The following XDH variants were observed in gnomAD, a reference collection of about 807,000 sequenced individuals.
XDH encodes the protein xanthine dehydrogenase/oxidase.
XDH carries 138 observed loss-of-function variants against 156.1 expected under a neutral mutation model. The ratio of observed to expected loss-of-function variants is 0.88; its 90% CI spans 0.77 to 1.02. XDH has a LOEUF of 1.02. Among genes scored for constraint, XDH ranks in the 50% least tolerant of loss-of-function variants. The probability of loss-of-function intolerance (pLI) is 0.00; values close to 1 mark genes in which losing one functional copy is unlikely to be tolerated. For missense variants in XDH, 1,849 were observed against 1,684.9 expected, an observed-to-expected ratio of 1.10 and a Z score of -1.71; for synonymous variants, 669 against 625.7, an observed-to-expected ratio of 1.07 and a Z score of -1.03.
At chr2:31,344,501 C>T (rs943620365) in intron 31 of XDH, among the ~76,000 whole-genome samples, 183 bp downstream of exon 31, 2 of 152,186 alleles carry the variant, frequency 1.3e-5, no homozygotes, top group Admixed American at 1.3e-4. Flanking sequence ...CCCCTTGGCA[C>T]ACAGTGTGGC....
At chr2:31,355,124 G>T (rs537446596) in intron 24 of XDH, among the ~76,000 whole-genome samples, 1 of 152,076 alleles carries the variant, frequency 6.6e-6, no homozygotes, top group Non-Finnish European at 1.5e-5. Flanking sequence ...AGAACGAAGT[G>T]GCAGTTTTTC....
At chr2:31,399,237 C>T (rs956040745) in intron 4 of XDH, among the ~76,000 whole-genome samples, 50 of 152,078 alleles carry the variant, frequency 3.3e-4, no homozygotes, top group African/African-American at 9.9e-4. Context: ...ATTAGACATC[C>T]GTATTGAGAT....
intron 7 of XDH, 91 bp from the exon 8 acceptor site, chr2:31,387,988 A>G: frequency 7.1e-7 from 1 of 1,408,908 alleles, no homozygotes; most frequent in Middle Eastern, 2.0e-4. Flanking sequence ...CAGCAAGCTC[A>G]TTCCCAGCCC....
At position 31,335,978 on chromosome 2, in the gene XDH, G is replaced by T. The variant is rs531030273; in HGVS notation, c.3982C>A (p.Pro1328Thr). The change falls in exon 36 of 36, where the codon CCC (proline) becomes ACC (threonine). Residue 1328 changes from proline to threonine, a missense_variant. Transcript: ENST00000379416. Reference sequence around the variant, plus strand: ...TCTCTTTAGACCCTCACAGACCAGGGTTTGCAGTTTTCTGGGACACCAGTG... The same window carrying T: ...TCTCTTTAGACCCTCACAGACCAGGTTTTGCAGTTTTCTGGGACACCAGTG... The part of the protein sequence containing the change: ...CVTGVPENCK[P>T]WSVRV 49 of 1,614,210 alleles carry T rather than the reference G, an allele frequency of 3.0e-5. No homozygotes were observed. The South Asian group carries it at 4.0e-4, about 13-fold the overall frequency.
At position 31,367,995 on chromosome 2, in the gene XDH, C is replaced by G; in HGVS notation, c.2163G>C (p.Lys721Asn). The change falls in exon 20 of 36, where the codon AAG becomes AAC. Residue 721 changes from lysine to asparagine, a missense_variant. Lys to Asn is a moderately conservative substitution (Grantham distance 94). Coordinates refer to ENST00000379416, the MANE Select transcript of XDH (RefSeq NM_000379.4). ...PELKIEKGDL[K>N]KGFSEADNVV... Reference sequence around the variant, plus strand: ...CATTATCTGCTTCGGAAAACCCCTTCTTTAGGTCCCCTTTCTCGATCTTCA... The same window carrying G: ...CATTATCTGCTTCGGAAAACCCCTTGTTTAGGTCCCCTTTCTCGATCTTCA... 3.1e-6 allele frequency: 5 copies of G among 1,614,158 alleles called. No individual in the cohort carries two copies. Among genetic ancestry groups the G allele is most frequent in the Non-Finnish European group, 4.2e-6 (5 of 1,180,010 alleles).
At chr2:31,365,669 G>C (rs887638934) in intron 22 of XDH, 125 bp from the exon 23 acceptor site, 5 of 1,189,368 alleles carry the variant, frequency 4.2e-6, no homozygotes, top group African/African-American at 1.5e-5. Flanking sequence ...ACCTGTACAG[G>C]GCTGCTTTGC....
chr2:31,406,438 A>T (rs1289690905), intron 1 of XDH, among the ~76,000 whole-genome samples: 2 of 152,212 alleles, frequency 1.3e-5, no homozygotes, highest in Admixed American at 6.5e-5. Context: ...ACCCAGCCTC[A>T]GGTGTTTCTT....
chr2:31,373,740 T>C lies in XDH; in HGVS notation c.1686+133A>G, dbSNP rs1020880946. The C allele has an allele frequency of 7.1e-6, 6 of 840,028 alleles. No homozygotes were observed. In the African/African-American group the frequency reaches 8.4e-5, roughly 12 times the overall value. 52.0% of individuals were successfully genotyped at this position (840,028 alleles called of 1,614,324 possible). On this transcript the variant is annotated intron_variant, in intron 16 of 35. Coordinates refer to ENST00000379416, the MANE Select transcript of XDH (RefSeq NM_000379.4). ...CGATTCCCATTTTCTTCACTGGGTA[T>C]TTACGCACAAGAGTAAGGAGTTTTA...
intron 1 of XDH, among the ~76,000 whole-genome samples, chr2:31,411,730 A>C (rs973100743): frequency 6.6e-5 from 10 of 152,236 alleles, no homozygotes; most frequent in African/African-American, 9.6e-5. Flanking sequence ...TGGTTTAAGA[A>C]TATCCAAGAA....
chr2:31,342,188 G>C lies in XDH; in HGVS notation c.3514C>G (p.His1172Asp). The C allele has an allele frequency of 6.2e-7, 1 of 1,613,860 alleles. No homozygotes were observed. The highest frequency in any genetic ancestry group is 8.5e-7 in the Non-Finnish European group (1 of 1,179,890). ...AAGTTTTGCAAACTTCTTACCTTAT[G>C]ATCTCCTGTTAGGCAGTCGATTTCT... ...EVEIDCLTGD[H>D]KNLRTDIVMD... Residue 1172 changes from histidine (H) to aspartate (D), a missense_variant, in exon 32 of 36, where the codon CAT (histidine) becomes GAT (aspartate). By Grantham distance (81) the His-to-Asp change is moderately conservative. Transcript: ENST00000379416.
In XDH at chr2:31,366,944, T is replaced by G. The variant is rs752090936; in HGVS notation, c.2248A>C (p.Thr750Pro). The G allele has an allele frequency of 6.2e-7, 1 of 1,614,144 alleles. No homozygotes were observed. Among genetic ancestry groups the G allele is most frequent in the Admixed American group, 1.7e-5 (1 of 60,022 alleles). ...QEHFYLETHC[T>P]IAVPKGEAGE... ...GCCTCGCCTTTTGGAACAGCAATGG[T>G]GCAGTGAGTCTCCAGGTAGAAGTGC... The change falls in exon 21 of 36, where the codon ACC (threonine) becomes CCC (proline). Residue 750 changes from threonine (T) to proline (P), a missense_variant. Transcript: ENST00000379416.
chr2:31,354,339 T>TGAC (rs1333680820), intron 24 of XDH, among the ~76,000 whole-genome samples: 9 of 152,228 alleles, frequency 5.9e-5, no homozygotes, highest in African/African-American at 2.2e-4. Flanking sequence ...TGTACATTAA[T>TGAC]GACGGGTTTC....
At chr2:31,336,034 T>A in intron 35 of XDH, 26 bp from the exon 36 acceptor site, 1 of 1,613,584 alleles carries the variant, frequency 6.2e-7, no homozygotes, top group South Asian at 1.1e-5. Flanking sequence ...AGTGTTCTCA[T>A]TGCCAGGGTC....
rs758610981 is a variant in XDH at position 31,368,610 on chromosome 2, T to A, written c.2031A>T (p.Glu677Asp). ...CCCCTTGGGCAGCTCTCTGTGTGTGTTCCGGGGTGTCAGCAACCACAGCAC... is the reference window on the plus strand; with the variant it reads ...CCCCTTGGGCAGCTCTCTGTGTGTGATCCGGGGTGTCAGCAACCACAGCAC... ...IIGAVVADTP[E>D]HTQRAAQGVK... The change falls in exon 19 of 36, where the codon GAA (glutamate) becomes GAT (aspartate). Residue 677 changes from glutamate to aspartate, a missense_variant. Physicochemically the swap from Glu to Asp is conservative, Grantham distance 45. Coordinates refer to ENST00000379416, the MANE Select transcript of XDH (RefSeq NM_000379.4). 6.8e-6 allele frequency: 11 copies of A among 1,614,074 alleles called. No individual in the cohort carries two copies. In the East Asian group the frequency reaches 2.5e-4, roughly 36 times the overall value.
chr2:31,401,776 G>A (rs911724671), intron 3 of XDH, among the ~76,000 whole-genome samples: 1 of 152,204 alleles, frequency 6.6e-6, no homozygotes, highest in Admixed American at 6.5e-5. Flanking sequence ...TCATTTCTCT[G>A]TGGGGAAAGG....
Position 31,386,485 on chromosome 2 carries a change from G to A in XDH, c.722C>T (p.Thr241Ile). Residue 241 changes from threonine (T) to isoleucine (I), a missense_variant, in exon 9 of 36, where the codon ACC becomes ATC. Physicochemically the swap from Thr to Ile is moderately conservative, Grantham distance 89 (BLOSUM62 -1). Transcript: ENST00000379416. ...GERVTWIQAS[T>I]LKELLDLKAQ... ...CTTGAGGTCCAGCAGCTCCTTGAGG[G>A]TTGAGGCCTGTATCCACGTCACACG... 1.2e-6 allele frequency: 2 copies of A among 1,614,114 alleles called. No individual in the cohort carries two copies. The highest frequency in any genetic ancestry group is 8.5e-7 in the Non-Finnish European group (1 of 1,180,028).
chr2:31,397,650 T>G lies in XDH; in HGVS notation c.495+18A>C. On this transcript the variant is annotated intron_variant, in intron 6 of 35. Coordinates refer to ENST00000379416, the MANE Select transcript of XDH (RefSeq NM_000379.4). ...ATTTTAGAAGCAGAGACACTGATGT[T>G]CTGGGGTCCCCACTTACCCTGGCAA... 1 of 1,614,124 alleles carries G rather than the reference T, an allele frequency of 6.2e-7. No individual in the cohort carries two copies. Among genetic ancestry groups the G allele is most frequent in the Non-Finnish European group, 8.5e-7 (1 of 1,180,012 alleles).
intron 16 of XDH, among the ~76,000 whole-genome samples, chr2:31,373,589 C>G (rs900557506): frequency 6.6e-6 from 1 of 151,702 alleles, no homozygotes; most frequent in Non-Finnish European, 1.5e-5. Flanking sequence ...AAGAAGACGT[C>G]TGGCTTTGTA....
intron 1 of XDH, among the ~76,000 whole-genome samples, chr2:31,407,276 C>T (rs1286311362): frequency 6.6e-6 from 1 of 152,154 alleles, no homozygotes; most frequent in African/African-American, 2.4e-5. Context: ...CAAGTTTAAA[C>T]TCCTCATTAA....
Sources: gnomAD v4.1 joint callset for allele counts (sites outside exome capture counted in the v4.1 genomes callset) on GRCh38, gnomAD v4.1.1 for gene constraint, MANE v1.5 for transcripts, NCBI Gene and HGNC (gene_info 2026-07-23, HGNC 2026-07-21) for gene names.